The following NDUFB3 variants were observed in gnomAD, a reference collection of about 807,000 sequenced individuals.
The protein encoded by NDUFB3 is NADH:ubiquinone oxidoreductase subunit B3.
In NDUFB3, 7 loss-of-function variants were observed where a neutral mutation model predicts 9.0. The ratio of observed to expected loss-of-function variants is 0.78; its 90% CI spans 0.44 to 1.46. NDUFB3 has a LOEUF of 1.46. Among genes scored for constraint, NDUFB3 ranks in the 40% most tolerant of loss-of-function variants. NDUFB3 has a pLI of 0.01. For missense variants in NDUFB3, 93 were observed against 115.4 expected (o/e 0.81, Z 0.89); for synonymous variants, 29 against 38.5 (o/e 0.75, Z 0.91).
intron 1 of NDUFB3, among the ~76,000 whole-genome samples, chr2:201,076,284 A>G (rs2047161583): frequency 6.6e-6 from 1 of 151,846 alleles, no homozygotes; most frequent in South Asian, 2.1e-4. Flanking sequence ...CAGAGGATCA[A>G]GGATCACTTG....
chr2:201,083,403 G>T (rs1199964204), intron 2 of NDUFB3, among the ~76,000 whole-genome samples: 1 of 144,508 alleles, frequency 6.9e-6, no homozygotes. Context: ...TGCCCAGGCT[G>T]GAGTGCAATG....
chr2:201,076,057 C>T (rs1399415999), intron 1 of NDUFB3, among the ~76,000 whole-genome samples: 6 of 152,172 alleles, frequency 3.9e-5, no homozygotes, highest in Non-Finnish European at 8.8e-5. Flanking sequence ...TATTCAGTCT[C>T]AAAAGTCAGT....
At position 201,082,808 on chromosome 2, in the gene NDUFB3, G is replaced by A. The variant is rs534539061; in HGVS notation, c.141-2651G>A. ...GGCTCACTGCAAGCTCCGCTTCCCG[G>A]GTTCACGCCATTCTCCTGCCTCAGC... On this transcript the variant is annotated intron_variant, in intron 2 of 2. Transcript: ENST00000237889. Among the ~76,000 whole-genome samples the A allele has an allele frequency of 3.4e-5, 5 of 149,068 alleles. No individual in the cohort carries two copies. In the South Asian group the frequency reaches 8.5e-4, roughly 25 times the overall value.
intron 1 of NDUFB3, among the ~76,000 whole-genome samples, chr2:201,077,902 A>G (rs1318851429): frequency 6.6e-6 from 1 of 152,232 alleles, no homozygotes; most frequent in Non-Finnish European, 1.5e-5. Context: ...ATTGCATTTT[A>G]AAAGAATCAT....
At chr2:201,072,821 G>GCT (rs2047101595) in intron 1 of NDUFB3, among the ~76,000 whole-genome samples, 1 of 152,102 alleles carries the variant, frequency 6.6e-6, no homozygotes. Flanking sequence ...AGACACTCCT[G>GCT]TATCCACCTC....
chr2:201,072,280 T>G (rs186442502), intron 1 of NDUFB3: 1 of 152,332 alleles, frequency 6.6e-6, no homozygotes, highest in East Asian at 1.9e-4. Context: ...TAAATCCAGG[T>G]GCTTGTTCCC....
intron 2 of NDUFB3, among the ~76,000 whole-genome samples, chr2:201,083,544 A>G (rs1034293473): frequency 6.6e-6 from 1 of 151,600 alleles, no homozygotes; most frequent in African/African-American, 2.4e-5. Context: ...AGTAGAGACT[A>G]AAACGTTGGC....
At chr2:201,080,283 C>T (rs774369683) in intron 2 of NDUFB3, among the ~76,000 whole-genome samples, 2 of 152,132 alleles carry the variant, frequency 1.3e-5, no homozygotes, top group Non-Finnish European at 2.9e-5. Flanking sequence ...TGATTTTTGA[C>T]ACTCAATGTG....
intron 1 of NDUFB3, among the ~76,000 whole-genome samples, chr2:201,073,476 CAT>C (rs1429607500): frequency 6.6e-6 from 1 of 152,082 alleles, no homozygotes; most frequent in Non-Finnish European, 1.5e-5. Context: ...CTTTTAAAAA[CAT>C]ATTTCTTAGG....
At chr2:201,076,484 A>AATATATATATATATATATAT (rs561737388) in intron 1 of NDUFB3, among the ~76,000 whole-genome samples, 305 of 120,012 alleles carry the variant, frequency 2.5e-3, no homozygotes, top group Middle Eastern at 4.6e-3. Flanking sequence ...TCTATCTTTA[A>AATATATATATATATATATAT]ATATATATAT....
intron 1 of NDUFB3, among the ~76,000 whole-genome samples, chr2:201,072,731 AT>A (rs2047099152): frequency 6.6e-6 from 1 of 152,160 alleles, no homozygotes; most frequent in Non-Finnish European, 1.5e-5. Flanking sequence ...CAATTTTTCT[AT>A]TTTTATTTTT....
At chr2:201,073,788 T>G (rs2125530094) in intron 1 of NDUFB3, among the ~76,000 whole-genome samples, 1 of 152,168 alleles carries the variant, frequency 6.6e-6, no homozygotes, top group South Asian at 2.1e-4. Flanking sequence ...AAATTTGTTT[T>G]TTTTTAAAGA....
rs2047080626 is a variant in NDUFB3 at position 201,072,045 on chromosome 2, T to C, written c.-17T>C. ...TTGCAGAGTTGAGTGTCCTGAGAGG[T>C]CAGATTGCTGTCAGGTAAATTAGGG... On this transcript the variant is annotated 5_prime_UTR_variant, in exon 1 of 3. Transcript: ENST00000237889. The C allele has an allele frequency of 6.6e-6, 1 of 152,126 alleles. No homozygotes were observed. The highest frequency in any genetic ancestry group is 2.4e-5 in the African/African-American group (1 of 41,400). The allele number at this position is 152,126 out of a possible 1,614,324, so 9.4% of individuals were successfully genotyped here.
chr2:201,080,481 G>A (rs578050891), intron 2 of NDUFB3, among the ~76,000 whole-genome samples: 14 of 152,234 alleles, frequency 9.2e-5, no homozygotes, highest in African/African-American at 3.4e-4. Flanking sequence ...GAGGTGGGCA[G>A]ATCACTTGAG....
rs199607830 is a variant in NDUFB3 at position 201,078,878 on chromosome 2, C to A, written c.-2-3C>A. ...CTCACTTGTGTTAATCTTTTCCTTA[C>A]AGACATGGCCCATGAACATGGACAT... On this transcript the variant is annotated splice_polypyrimidine_tract_variant and splice_region_variant and intron_variant, in intron 1 of 2. Transcript: ENST00000237889. The A allele has an allele frequency of 2.5e-6, 4 of 1,601,396 alleles. No homozygotes were observed. The East Asian group carries it at 9.0e-5, about 36-fold the overall frequency.
intron 2 of NDUFB3, among the ~76,000 whole-genome samples, chr2:201,082,253 GTTGTTTGT>G (rs375926671): frequency 5.3e-5 from 8 of 151,388 alleles, no homozygotes; most frequent in African/African-American, 9.7e-5. Context: ...CAGGCCTGGC[GTTGTTTGT>G]TTGTTTGTTT....
rs1575544444 is a variant in NDUFB3 at position 201,079,018 on chromosome 2, G to A, written c.136G>A (p.Gly46Ser). The A allele has an allele frequency of 5.0e-6, 8 of 1,607,220 alleles. No homozygotes were observed. Among genetic ancestry groups the A allele is most frequent in the East Asian group, 2.2e-5 (1 of 44,832 alleles). ...TGCAAAAGGGCTAAGGGATCCATGG[G>A]GCCGGTAAGATGAATTAAGTAATTT... ...LAAKGLRDPW[G>S]RNEAWRYMGG... Residue 46 changes from glycine to serine, a missense_variant, in exon 2 of 3, where the codon GGC becomes AGC. Coordinates refer to ENST00000237889, the MANE Select transcript of NDUFB3 (RefSeq NM_002491.3).
At chr2:201,080,727 CAG>C (rs2047213090) in intron 2 of NDUFB3, among the ~76,000 whole-genome samples, 1 of 108,332 alleles carries the variant, frequency 9.2e-6, no homozygotes, top group African/African-American at 3.7e-5. Context: ...TTTTTTGAGA[CAG>C]AGTCTCACTC....
At chr2:201,076,079 C>T (rs1370023300) in intron 1 of NDUFB3, among the ~76,000 whole-genome samples, 4 of 152,164 alleles carry the variant, frequency 2.6e-5, no homozygotes, top group Non-Finnish European at 5.9e-5. Flanking sequence ...TGAAGTCTGA[C>T]ACCATAATTT....
Sources: gnomAD v4.1 joint callset for allele counts (sites outside exome capture counted in the v4.1 genomes callset) on GRCh38, gnomAD v4.1.1 for gene constraint, MANE v1.5 for transcripts, NCBI Gene and HGNC (gene_info 2026-07-23, HGNC 2026-07-21) for gene names.